USP34: variants seen among roughly 807,000 people sequenced by gnomAD.
USP34 encodes the protein ubiquitin carboxyl-terminal hydrolase 34.
USP34 carries 70 observed loss-of-function variants against 460.3 expected under a neutral mutation model. The observed-to-expected ratio is 0.15, with a 90% CI of 0.13 to 0.19. USP34 has a LOEUF of 0.19. USP34 is among the 10% of genes least tolerant of loss of function. The probability of loss-of-function intolerance (pLI) is 1.00; values close to 1 mark genes in which losing one functional copy is unlikely to be tolerated. For missense variants in USP34, 3,985 were observed against 4,236.2 expected (o/e 0.94, Z 1.65); for synonymous variants, 1,647 against 1,405.3 (o/e 1.17, Z -3.85).
intron 41 of USP34, among the ~76,000 whole-genome samples, chr2:61,271,684 G>C (rs1249838424): frequency 6.6e-6 from 1 of 152,124 alleles, no homozygotes; most frequent in African/African-American, 2.4e-5. Context: ...AGAAGAAAGA[G>C]GAGAAAGGAG....
chr2:61,310,649 T>A (rs887501760), intron 27 of USP34, among the ~76,000 whole-genome samples: 1 of 150,416 alleles, frequency 6.6e-6, no homozygotes, highest in Non-Finnish European at 1.5e-5. Context: ...CTATAAAAGA[T>A]ATCAGAAATA....
intron 1 of USP34, among the ~76,000 whole-genome samples, chr2:61,457,880 T>C (rs1695483490): frequency 6.6e-6 from 1 of 152,000 alleles, no homozygotes. Flanking sequence ...CAACAAAAAG[T>C]ACCATTTTAT....
intron 1 of USP34, among the ~76,000 whole-genome samples, chr2:61,424,971 C>T (rs1391332994): frequency 6.6e-6 from 1 of 152,038 alleles, no homozygotes; most frequent in Non-Finnish European, 1.5e-5. Flanking sequence ...AGGCATGTAC[C>T]ACCACGCCCG....
At chr2:61,280,986 AC>A in intron 38 of USP34, 103 bp downstream of exon 38, 1 of 1,237,400 alleles carries the variant, frequency 8.1e-7, no homozygotes, top group Non-Finnish European at 1.1e-6. Flanking sequence ...AAAATCACAT[AC>A]AGTAGTCAAA....
chr2:61,220,318 A>C lies in USP34; in HGVS notation c.8039T>G (p.Val2680Gly). The change falls in exon 67 of 80, where the codon GTG becomes GGG. Residue 2680 changes from valine (V) to glycine (G), a missense_variant. By Grantham distance (109) the Val-to-Gly change is moderately radical (BLOSUM62 -3). Coordinates refer to ENST00000398571, the MANE Select transcript of USP34 (RefSeq NM_014709.4). Reference protein sequence around the residue: ...RFLLAHNYPRVRTSAAYLLVS... With the variant: ...RFLLAHNYPRGRTSAAYLLVS... The stretch of plus-strand genomic sequence containing the variant: ...CTAAATATTTGACTTACAAGTCCTC[A>C]CTCTAGGATAATTGTGAGCCAAAAG... 4 of 1,607,866 alleles carry C rather than the reference A, an allele frequency of 2.5e-6. No homozygotes were observed. Among genetic ancestry groups the C allele is most frequent in the Non-Finnish European group, 3.4e-6 (4 of 1,177,832 alleles).
rs1216260048 is a variant in USP34 at position 61,446,762 on chromosome 2, C to A, written c.43+23888G>T. On this transcript the variant is annotated intron_variant, in intron 1 of 79. Coordinates refer to ENST00000398571, the MANE Select transcript of USP34 (RefSeq NM_014709.4). ...AATGAGCCGAGATCGTGCCACTACA[C>A]TGCAGCCTGGGCAACAGAGCAAGAC... 5.3e-5 allele frequency among the ~76,000 whole-genome samples: 8 copies of A among 150,264 alleles called. No individual in the cohort carries two copies. The East Asian group carries it at 1.6e-3, about 29-fold the overall frequency.
chr2:61,465,248 G>A (rs1206126044), intron 1 of USP34, among the ~76,000 whole-genome samples: 1 of 152,116 alleles, frequency 6.6e-6, no homozygotes, highest in South Asian at 2.1e-4. Flanking sequence ...CTGGTTCCAG[G>A]AACAAACTTC....
intron 67 of USP34, 86 bp from the exon 68 acceptor site, chr2:61,214,780 C>T (rs1052072703): frequency 7.1e-7 from 1 of 1,405,134 alleles, no homozygotes; most frequent in East Asian, 2.4e-5. Context: ...GCCACTGTTC[C>T]CTTTAATAAT....
intron 7 of USP34, 137 bp from the exon 8 acceptor site, chr2:61,378,561 A>C (rs1692865351): frequency 1.9e-6 from 1 of 525,440 alleles, no homozygotes; most frequent in Non-Finnish European, 3.4e-6. Context: ...TCTAAGACAT[A>C]ATCAGAGACA....
At chr2:61,254,730 C>A (rs539849626) in intron 48 of USP34, among the ~76,000 whole-genome samples, 4 of 152,000 alleles carry the variant, frequency 2.6e-5, no homozygotes, top group African/African-American at 4.8e-5. Flanking sequence ...CTGAGGTGGG[C>A]GGATTGTTTG....
At chr2:61,413,106 A>G (rs920579826) in intron 2 of USP34, among the ~76,000 whole-genome samples, 8 of 152,256 alleles carry the variant, frequency 5.3e-5, no homozygotes, top group African/African-American at 1.9e-4. Flanking sequence ...AATTAAGAGT[A>G]TCAAGGAGGC....
intron 57 of USP34, among the ~76,000 whole-genome samples, chr2:61,233,477 A>AC (rs1558480821): frequency 1.3e-5 from 2 of 151,750 alleles, no homozygotes; most frequent in Non-Finnish European, 2.9e-5. Flanking sequence ...TCAACTGAAA[A>AC]TTTTTTTTTG....
intron 1 of USP34, among the ~76,000 whole-genome samples, chr2:61,460,980 CAAAAA>C (rs1168262727): frequency 2.5e-5 from 2 of 81,176 alleles, no homozygotes; most frequent in African/African-American, 4.6e-5. Flanking sequence ...GACTCCATCT[CAAAAA>C]AAAAAAAAGA....
At chr2:61,431,105 T>C (rs925202090) in intron 1 of USP34, among the ~76,000 whole-genome samples, 7 of 152,230 alleles carry the variant, frequency 4.6e-5, no homozygotes, top group Admixed American at 2.6e-4. Context: ...AAGAGGAATG[T>C]AGGGAGAGAT....
At chr2:61,270,377 C>A (rs919966990) in intron 41 of USP34, among the ~76,000 whole-genome samples, 1 of 152,176 alleles carries the variant, frequency 6.6e-6, no homozygotes. Context: ...TTGTACTACT[C>A]CCAGCCTCCA....
At chr2:61,394,116 G>T (rs1182833596) in intron 5 of USP34, among the ~76,000 whole-genome samples, 1 of 151,970 alleles carries the variant, frequency 6.6e-6, no homozygotes, top group Non-Finnish European at 1.5e-5. Flanking sequence ...GTGAGACTCC[G>T]TGTCAAAAAA....
At chr2:61,351,873 A>G (rs1280533230) in intron 10 of USP34, among the ~76,000 whole-genome samples, 1 of 152,220 alleles carries the variant, frequency 6.6e-6, no homozygotes, top group Non-Finnish European at 1.5e-5. Flanking sequence ...AATACTACAA[A>G]CAGTATTTGA....
rs543404204 is a variant in USP34, at chr2:61,259,548, T to C, written c.5844+163A>G. On this transcript the variant is annotated intron_variant, in intron 44 of 79. Coordinates refer to ENST00000398571, the MANE Select transcript of USP34 (RefSeq NM_014709.4). ...GACTACAGGCACGCACCACCATGCCTGGCTTATTTTTTTTTTTAGTAGAGA... is the reference window on the plus strand; with the variant it reads ...GACTACAGGCACGCACCACCATGCCCGGCTTATTTTTTTTTTTAGTAGAGA... 1.2e-3 allele frequency among the ~76,000 whole-genome samples: 158 copies of C among 137,144 alleles called. 2 individuals carry two copies. The South Asian group carries it at 0.032, about 28-fold the overall frequency. 90.0% of individuals were successfully genotyped at this position (137,144 alleles called of 152,430 possible).
rs558611857 is a variant in USP34, at chr2:61,293,337, C to A, written c.4548+127G>T. ...GTTTATCAAACTGTATTTTTAAATT[C>A]ATTTCTGCTATATTCCATACTTTAT... On this transcript the variant is annotated intron_variant, in intron 33 of 79. Coordinates refer to ENST00000398571, the MANE Select transcript of USP34 (RefSeq NM_014709.4). The A allele has an allele frequency of 6.7e-4, 361 of 542,246 alleles. 1 individual carries two copies. Among genetic ancestry groups the A allele is most frequent in the East Asian group, 9.9e-4 (30 of 30,438 alleles). The allele number at this position is 542,246 out of a possible 1,614,324, so 33.6% of individuals were successfully genotyped here.
Sources: gnomAD v4.1 joint callset for allele counts (sites outside exome capture counted in the v4.1 genomes callset) on GRCh38, gnomAD v4.1.1 for gene constraint, MANE v1.5 for transcripts, NCBI Gene and HGNC (gene_info 2026-07-23, HGNC 2026-07-21) for gene names.